OR11A1: variants seen among roughly 807,000 people sequenced by gnomAD.
The protein encoded by OR11A1 is olfactory receptor 11A1.
For missense variants in OR11A1, 380 were observed against 378.2 expected (o/e 1.00, Z -0.04); for synonymous variants, 158 against 152.2 (o/e 1.04, Z -0.28).
chr6:29,449,627 C>A (rs890419503), intron 1 of OR11A1, among the ~76,000 whole-genome samples: 1 of 151,996 alleles, frequency 6.6e-6, no homozygotes, highest in African/African-American at 2.4e-5. Flanking sequence ...CATAAATGAC[C>A]AATCTTTCTC....
At chr6:29,443,165 G>C (rs73398974) in intron 1 of OR11A1, among the ~76,000 whole-genome samples, 7,701 of 152,104 alleles carry the variant, frequency 0.051, 378 homozygotes, top group African/African-American at 0.12. Flanking sequence ...GTTTAAGTGT[G>C]CAATTTGATA....
At position 29,427,444 on chromosome 6, in the gene OR11A1, C is replaced by T. The variant is rs755635499; in HGVS notation, c.198G>A (p.Ala66=). ...AGAGAATATCCAGGAAGGACAGATT[C>T]GCCAAGAAAATATACATGGGTTTGT... is the stretch of plus-strand genomic sequence containing the variant. ...RLHKPMYIFL[A]NLSFLDILYT... Residue 66 remains alanine, a synonymous_variant, in exon 5 of 5, where the codon GCG becomes GCA. Coordinates refer to ENST00000377149, the MANE Select transcript of OR11A1 (RefSeq NM_001394828.1). 4.3e-6 allele frequency: 7 copies of T among 1,612,926 alleles called. No individual in the cohort carries two copies. In the East Asian group the frequency reaches 6.7e-5, roughly 15 times the overall value.
At chr6:29,450,719 C>A (rs114779633) in intron 1 of OR11A1, among the ~76,000 whole-genome samples, 3,696 of 151,988 alleles carry the variant, frequency 0.024, 71 homozygotes, top group African/African-American at 0.055. Flanking sequence ...ACAACACACA[C>A]AAAAAATGGA....
At position 29,426,990 on chromosome 6, in the gene OR11A1, A is replaced by G. The variant is rs759007634; in HGVS notation, c.652T>C (p.Ser218Pro). The G allele has an allele frequency of 2.5e-6, 4 of 1,612,954 alleles. No individual in the cohort carries two copies. Among genetic ancestry groups the G allele is most frequent in the Non-Finnish European group, 3.4e-6 (4 of 1,180,034 alleles). ...ACTGCCACCACAATTCTGGCATAAGATGTCAGAATCAGTCCAAAAGGAATA... is the reference window on the plus strand; with the variant it reads ...ACTGCCACCACAATTCTGGCATAAGGTGTCAGAATCAGTCCAAAAGGAATA... ...LTIPFGLILT[S>P]YARIVVAVLR... The change falls in exon 5 of 5, where the codon TCT becomes CCT. Residue 218 changes from serine (S) to proline (P), a missense_variant. By Grantham distance (74) the Ser-to-Pro change is moderately conservative. Transcript: ENST00000377149.
At chr6:29,441,041 C>G (rs912449948) in intron 1 of OR11A1, 2 of 879,598 alleles carry the variant, frequency 2.3e-6, no homozygotes, top group Non-Finnish European at 3.5e-6. Context: ...GGTCTTTCTT[C>G]ACATTAGGGG....
intron 1 of OR11A1, among the ~76,000 whole-genome samples, chr6:29,445,480 C>G (rs1226056031): frequency 6.6e-6 from 1 of 152,206 alleles, no homozygotes; most frequent in African/African-American, 2.4e-5. Context: ...GAGGAAGACT[C>G]ACCGGCTCAC....
chr6:29,452,289 C>T (rs894413342), intron 1 of OR11A1, among the ~76,000 whole-genome samples: 45 of 151,994 alleles, frequency 3.0e-4, no homozygotes, highest in Non-Finnish European at 2.4e-4. Flanking sequence ...ACGCAATTTA[C>T]CCGTGTAACA....
chr6:29,440,967 A>G, intron 1 of OR11A1: 2 of 1,550,566 alleles, frequency 1.3e-6, no homozygotes, highest in East Asian at 4.5e-5. Flanking sequence ...AGGGGGCGAT[A>G]GTGACTTCTG....
intron 2 of OR11A1, among the ~76,000 whole-genome samples, chr6:29,431,455 C>T (rs963070473): frequency 3.9e-5 from 6 of 152,056 alleles, no homozygotes; most frequent in African/African-American, 1.4e-4. Flanking sequence ...CCAGTTTTGT[C>T]AAGCCATGGG....
In OR11A1 at chr6:29,426,389, G is replaced by A. The variant is rs113817121; in HGVS notation, c.*305C>T. 9.4e-3 allele frequency: 2,757 copies of A among 293,696 alleles called. 73 individuals carry two copies. Among genetic ancestry groups the A allele is most frequent in the East Asian group, 0.068 (1,224 of 17,884 alleles). 18.2% of individuals were successfully genotyped at this position (293,696 alleles called of 1,614,324 possible). A position where few individuals can be genotyped will look rare whatever the true frequency, so the allele number is the denominator to read the frequency against. On this transcript the variant is annotated 3_prime_UTR_variant, in exon 5 of 5. Transcript: ENST00000377149. ...TGAATCCTACTTGAGGGTGGAGGTT[G>A]GGAGGAGGGAGAAGATCAGGAAAAA... is the stretch of plus-strand genomic sequence containing the variant.
Position 29,426,943 on chromosome 6 carries a change from T to C in OR11A1, c.699A>G (p.Ala233=), listed in dbSNP as rs1782856242. 2.5e-6 allele frequency: 4 copies of C among 1,613,044 alleles called. No individual in the cohort carries two copies. Among genetic ancestry groups the C allele is most frequent in the Non-Finnish European group, 3.4e-6 (4 of 1,180,008 alleles). The change falls in exon 5 of 5, where the codon GCA becomes GCG. Residue 233 remains alanine (A), a synonymous_variant. Coordinates refer to ENST00000377149, the MANE Select transcript of OR11A1 (RefSeq NM_001394828.1). ...VVAVLRVPAG[A]SRRRAFSTCS... ...ATGTGGAGAAAGCCCTTCTCCTGCT[T>C]GCCCCAGCAGGAACTCTCAGCACTG...
chr6:29,436,100 A>G (rs1381142306), intron 1 of OR11A1, among the ~76,000 whole-genome samples: 5 of 152,166 alleles, frequency 3.3e-5, no homozygotes, highest in Non-Finnish European at 5.9e-5. Flanking sequence ...CCCTAGCTCA[A>G]TACTCACAGC....
chr6:29,456,377 G>A (rs1437445746), intron 1 of OR11A1, among the ~76,000 whole-genome samples: 1 of 151,874 alleles, frequency 6.6e-6, no homozygotes, highest in Admixed American at 6.6e-5. Flanking sequence ...GGGCGTGGTG[G>A]CGGGCGCCTG....
chr6:29,437,841 CTG>C (rs1341870060), intron 1 of OR11A1, among the ~76,000 whole-genome samples: 14 of 152,326 alleles, frequency 9.2e-5, no homozygotes, highest in Admixed American at 6.5e-4. Context: ...GGGCTACACT[CTG>C]GGAGTAGATG....
intron 1 of OR11A1, among the ~76,000 whole-genome samples, chr6:29,448,260 C>A (rs1419387184): frequency 6.6e-6 from 1 of 152,006 alleles, no homozygotes; most frequent in Admixed American, 6.6e-5. Context: ...CATGATCTGC[C>A]CACCTCGGCC....
chr6:29,434,952 C>T (rs1228739121), intron 1 of OR11A1, among the ~76,000 whole-genome samples: 1 of 152,128 alleles, frequency 6.6e-6, no homozygotes, highest in East Asian at 1.9e-4. Context: ...TGAAATATAC[C>T]CTTGGCCACA....
rs909673733 is a variant in OR11A1 at position 29,426,962 on chromosome 6, A to G, written c.680T>C (p.Leu227Pro). Reference protein sequence around the residue: ...TSYARIVVAVLRVPAGASRRR... With the variant: ...TSYARIVVAVPRVPAGASRRR... ...CCTGCTTGCCCCAGCAGGAACTCTC[A>G]GCACTGCCACCACAATTCTGGCATA... The change falls in exon 5 of 5, where the codon CTG (leucine) becomes CCG (proline). Residue 227 changes from leucine (L) to proline (P), a missense_variant. Transcript: ENST00000377149. 3 of 1,613,096 alleles carry G rather than the reference A, an allele frequency of 1.9e-6. No homozygotes were observed. The African/African-American group carries it at 4.0e-5, about 21-fold the overall frequency.
At chr6:29,440,637 T>TGATGAG in intron 1 of OR11A1, 1 of 1,614,120 alleles carries the variant, frequency 6.2e-7, no homozygotes, top group Non-Finnish European at 8.5e-7. Context: ...CCTCATCCTC[T>TGATGAG]GCCCCTTTGG....
At chr6:29,447,905 A>G (rs1784938483) in intron 1 of OR11A1, among the ~76,000 whole-genome samples, 1 of 151,896 alleles carries the variant, frequency 6.6e-6, no homozygotes, top group Admixed American at 6.6e-5. Flanking sequence ...CTGGTGTTCT[A>G]TAGAAAGTAA....
Sources: allele counts gnomAD v4.1 joint callset (sites outside exome capture counted in the v4.1 genomes callset), GRCh38; gene constraint gnomAD v4.1.1; transcripts MANE v1.5; gene names NCBI Gene and HGNC (gene_info 2026-07-23, HGNC 2026-07-21).